The following FARP1 variants were observed in gnomAD, a reference collection of about 807,000 sequenced individuals.
The protein encoded by FARP1 is FERM, ARHGEF and pleckstrin domain-containing protein 1.
A neutral mutation model predicts 128.8 loss-of-function variants in FARP1; 52 were observed. That is an observed-to-expected ratio of 0.40 (90% CI 0.32 to 0.51). The LOEUF (loss-of-function observed/expected upper bound fraction) is 0.51. Ranked by LOEUF, FARP1 falls within the 20% of genes least tolerant of loss-of-function variation. The probability of loss-of-function intolerance (pLI) is 0.45; values close to 1 mark genes in which losing one functional copy is unlikely to be tolerated. For missense variants in FARP1, 1,333 were observed against 1,367.9 expected (o/e 0.97, Z 0.40); for synonymous variants, 580 against 551.8 (o/e 1.05, Z -0.72).
chr13:98,186,991 C>CAAA (rs33992037), intron 1 of FARP1, among the ~76,000 whole-genome samples: 2,614 of 47,752 alleles, frequency 0.055, 580 homozygotes, highest in African/African-American at 0.15. Context: ...GATTCTGTCT[C>CAAA]AAAAAAAAAA....
chr13:98,244,082 A>G (rs1882928964), intron 2 of FARP1, among the ~76,000 whole-genome samples: 1 of 152,144 alleles, frequency 6.6e-6, no homozygotes, highest in Non-Finnish European at 1.5e-5. Flanking sequence ...GAACTTCATT[A>G]AAATTTCAGA....
intron 2 of FARP1, among the ~76,000 whole-genome samples, chr13:98,305,491 G>A (rs1235735772): frequency 5.3e-5 from 8 of 152,130 alleles, no homozygotes; most frequent in South Asian, 2.1e-4. Flanking sequence ...CCGCCACCAC[G>A]CCCAGCTAAC....
chr13:98,194,722 G>A (rs1209171783), intron 1 of FARP1, among the ~76,000 whole-genome samples: 1 of 152,136 alleles, frequency 6.6e-6, no homozygotes, highest in Non-Finnish European at 1.5e-5. Context: ...TCAACAAGGG[G>A]GACCTAGTCC....
chr13:98,329,905 TAGA>T (rs1409002022), intron 2 of FARP1: 6 of 152,130 alleles, frequency 3.9e-5, no homozygotes, highest in African/African-American at 9.7e-5. Context: ...TAAGGAGCGT[TAGA>T]AGAAGATGTT....
At chr13:98,417,873 CTCA>C (rs1891447719) in intron 16 of FARP1, among the ~76,000 whole-genome samples, 1 of 152,182 alleles carries the variant, frequency 6.6e-6, no homozygotes, top group African/African-American at 2.4e-5. Context: ...AAATACTTTT[CTCA>C]TCATTCTACT....
At chr13:98,222,401 G>T (rs4771297) in intron 2 of FARP1, among the ~76,000 whole-genome samples, 8 of 151,976 alleles carry the variant, frequency 5.3e-5, no homozygotes, top group Admixed American at 3.3e-4. Flanking sequence ...AAGTGAACCT[G>T]TGAGGCAGGT....
chr13:98,171,819 G>A (rs926227705), intron 1 of FARP1, among the ~76,000 whole-genome samples: 1 of 152,106 alleles, frequency 6.6e-6, no homozygotes, highest in Non-Finnish European at 1.5e-5. Context: ...CTCTGAACTC[G>A]TCTGAGAGTG....
chr13:98,320,564 T>G (rs1159257675), intron 2 of FARP1, among the ~76,000 whole-genome samples: 1 of 152,160 alleles, frequency 6.6e-6, no homozygotes, highest in Non-Finnish European at 1.5e-5. Flanking sequence ...GTTTCTTAAG[T>G]CAGATAAGAA....
chr13:98,207,632 G>A (rs934348325), intron 1 of FARP1, among the ~76,000 whole-genome samples: 7 of 151,070 alleles, frequency 4.6e-5, no homozygotes, highest in African/African-American at 1.2e-4. Context: ...GTGAATTACC[G>A]TGCACAGGGC....
At chr13:98,210,710 T>G (rs949352340) in intron 1 of FARP1, among the ~76,000 whole-genome samples, 3 of 151,898 alleles carry the variant, frequency 2.0e-5, no homozygotes, top group African/African-American at 7.3e-5. Context: ...CCACCACGCC[T>G]GGCTAATTTT....
chr13:98,315,717 G>A (rs1342956397), intron 2 of FARP1, among the ~76,000 whole-genome samples: 2 of 152,178 alleles, frequency 1.3e-5, no homozygotes, highest in Non-Finnish European at 2.9e-5. Context: ...AACAAAAGAT[G>A]CAGAGGAGAC....
chr13:98,173,640 C>T (rs13378395), intron 1 of FARP1, among the ~76,000 whole-genome samples: 6 of 152,158 alleles, frequency 3.9e-5, no homozygotes, highest in Non-Finnish European at 5.9e-5. Context: ...ATGTTGATTC[C>T]GAAGGACTTA....
chr13:98,177,184 C>T, intron 1 of FARP1: 1 of 1,590,794 alleles, frequency 6.3e-7, no homozygotes. Flanking sequence ...GAGGAAGGTG[C>T]ATACCTGGTC....
intron 10 of FARP1, 107 bp downstream of exon 10, chr13:98,390,227 C>G: frequency 8.1e-7 from 1 of 1,234,268 alleles, no homozygotes; most frequent in Non-Finnish European, 1.1e-6. Flanking sequence ...GCTCATTGGC[C>G]TCCAGGAGCT....
At chr13:98,417,455 G>GGGAAAAAAAAAAAAAAAAAA (rs1491453247) in intron 16 of FARP1, among the ~76,000 whole-genome samples, 38 of 58,482 alleles carry the variant, frequency 6.5e-4, no homozygotes, top group African/African-American at 1.6e-3. Context: ...CCAGAGGTTT[G>GGGAAAAAAAAAAAAAAAAAA]AAAAAAAAAA....
chr13:98,145,505 A>G (rs2139067474), intron 1 of FARP1, among the ~76,000 whole-genome samples: 1 of 152,272 alleles, frequency 6.6e-6, no homozygotes, highest in African/African-American at 2.4e-5. Flanking sequence ...GGGTTATTGC[A>G]TTCACCTCAG....
intron 2 of FARP1, among the ~76,000 whole-genome samples, chr13:98,324,339 C>T (rs921931649): frequency 2.6e-5 from 4 of 152,106 alleles, no homozygotes; most frequent in Non-Finnish European, 5.9e-5. Context: ...TATGGAAAAG[C>T]GAAACACGGT....
At chr13:98,408,621 G>T (rs1055345822) in intron 13 of FARP1, among the ~76,000 whole-genome samples, 1 of 152,160 alleles carries the variant, frequency 6.6e-6, no homozygotes, top group African/African-American at 2.4e-5. Flanking sequence ...GAGCCACTGC[G>T]CCTGGCCACA....
intron 13 of FARP1, chr13:98,399,116 G>C (rs542605917): frequency 2.6e-5 from 4 of 152,032 alleles, no homozygotes; most frequent in Non-Finnish European, 5.9e-5. Flanking sequence ...TCTGCTTCTT[G>C]GCCAGTATTC....
Sources: allele counts gnomAD v4.1 joint callset (sites outside exome capture counted in the v4.1 genomes callset), GRCh38; gene constraint gnomAD v4.1.1; transcripts MANE v1.5; gene names NCBI Gene and HGNC (gene_info 2026-07-23, HGNC 2026-07-21).